ADCY3: variants seen among roughly 807,000 people sequenced by gnomAD.
ADCY3 encodes adenylate cyclase 3, also known as adenylate cyclase type 3.
A neutral mutation model predicts 119.4 loss-of-function variants in ADCY3; 70 were observed. The observed-to-expected ratio is 0.59, with a 90% confidence interval of 0.48 to 0.72. ADCY3 has a LOEUF of 0.72. Ranked by LOEUF, ADCY3 falls within the 30% of genes least tolerant of loss-of-function variation. The pLI, the probability that ADCY3 is intolerant of heterozygous loss-of-function variation, is 0.00. For missense variants in ADCY3, 1,238 were observed against 1,541.6 expected (o/e 0.80, Z 3.30); for synonymous variants, 672 against 621.4 (o/e 1.08, Z -1.21).
At position 24,841,782 on chromosome 2, in the gene ADCY3, C is replaced by T. The variant is rs573926073; in HGVS notation, c.957-115G>A. ...GCCAGGATCAGGGCAGGAGAAGGTC[C>T]TCCCTCACGACCCCCAGACAGTGAG... On this transcript the variant is annotated intron_variant, in intron 4 of 21. Coordinates refer to ENST00000679454, the MANE Select transcript of ADCY3 (RefSeq NM_004036.5). The surrounding 1 kb of genome is among the most constrained non-coding windows in gnomAD (Gnocchi z 5.8). The T allele has an allele frequency of 4.7e-4, 346 of 739,828 alleles. 4 individuals carry two copies. The South Asian group carries it at 5.7e-3, about 12-fold the overall frequency. The allele number at this position is 739,828 out of a possible 1,614,324, so 45.8% of individuals were successfully genotyped here.
chr2:24,849,318 C>T (rs79523471), intron 3 of ADCY3, among the ~76,000 whole-genome samples: 7,966 of 152,166 alleles, frequency 0.052, 645 homozygotes, highest in African/African-American at 0.18. Context: ...AGCCTCCTCC[C>T]GGTATGGCTG....
At chr2:24,879,426 C>T (rs553965098) in intron 2 of ADCY3, among the ~76,000 whole-genome samples, 51 of 138,550 alleles carry the variant, frequency 3.7e-4, no homozygotes, top group African/African-American at 1.4e-3. Flanking sequence ...GCACTGCAGC[C>T]TGGGCGACAG....
rs574077830 is a variant in ADCY3 at position 24,829,668 on chromosome 2, C to T, written c.2172+1041G>A. Among the ~76,000 whole-genome samples the T allele has an allele frequency of 4.1e-4, 61 of 150,554 alleles. 1 individual carries two copies. In the South Asian group the frequency reaches 0.012, roughly 29 times the overall value. On this transcript the variant is annotated intron_variant, in intron 13 of 21. Transcript: ENST00000679454. ...CGATCTCCTGACCTCGTGATCCGCC[C>T]GCCTTGGCCTCCCAAAGTGCTGGGA...
chr2:24,827,703 G>A (rs1224470487), intron 14 of ADCY3, 95 bp from the exon 15 acceptor site: 3 of 1,446,280 alleles, frequency 2.1e-6, no homozygotes, highest in East Asian at 2.5e-5. Context: ...TCCACTCGGG[G>A]AGAATGGGAA....
intron 3 of ADCY3, among the ~76,000 whole-genome samples, chr2:24,860,807 C>T (rs1468359666): frequency 6.6e-6 from 1 of 152,086 alleles, no homozygotes; most frequent in East Asian, 1.9e-4. Context: ...CAGGGGATGG[C>T]AAGAGAGAGA....
chr2:24,838,836 A>G (rs780448871), intron 7 of ADCY3: 1 of 1,606,408 alleles, frequency 6.2e-7, no homozygotes, highest in Non-Finnish European at 8.5e-7. Flanking sequence ...TGTGGGCCGT[A>G]TGGCACTTAC....
intron 2 of ADCY3, among the ~76,000 whole-genome samples, chr2:24,916,126 T>A (rs1573078293): frequency 6.6e-6 from 1 of 152,352 alleles, no homozygotes; most frequent in East Asian, 1.9e-4. Flanking sequence ...GATGCTAATA[T>A]TTTTATTCTT....
intron 2 of ADCY3, among the ~76,000 whole-genome samples, chr2:24,888,839 T>G (rs1163437770): frequency 1.3e-5 from 2 of 152,128 alleles, no homozygotes; most frequent in African/African-American, 2.4e-5. Context: ...TGAGACCCCG[T>G]CTCTACTGAA....
chr2:24,831,835 G>A, intron 11 of ADCY3, 86 bp from the exon 12 acceptor site: 1 of 943,982 alleles, frequency 1.1e-6, no homozygotes, highest in Non-Finnish European at 1.7e-6. Flanking sequence ...ACGGGGATGG[G>A]GGCAGGGGCC....
rs1664810678 is a variant in ADCY3 at position 24,919,080 on chromosome 2, G to A, written c.-93C>T. The A allele has an allele frequency of 1.4e-5, 18 of 1,325,836 alleles. No homozygotes were observed. The highest frequency in any genetic ancestry group is 1.8e-5 in the Non-Finnish European group (18 of 994,956). The allele number at this position is 1,325,836 out of a possible 1,614,324, so 82.1% of individuals were successfully genotyped here. On this transcript the variant is annotated 5_prime_UTR_variant, in exon 2 of 22. Coordinates refer to ENST00000679454, the MANE Select transcript of ADCY3 (RefSeq NM_004036.5). This position sits in a 1 kb window ranked among gnomAD's most constrained non-coding sequence, Gnocchi z 5.5. The stretch of plus-strand genomic sequence containing the variant: ...CCTCCTCTCAGGGCTCTCTGAGACC[G>A]GGGGAGGGCTGAGGGCCTCTTCTTG...
intron 2 of ADCY3, among the ~76,000 whole-genome samples, chr2:24,916,093 A>T (rs911413083): frequency 4.6e-5 from 7 of 152,122 alleles, no homozygotes; most frequent in Non-Finnish European, 1.0e-4. Context: ...CACTGCTTGC[A>T]TGCCAAGGTC....
chr2:24,893,843 A>C (rs1040470165), intron 2 of ADCY3, among the ~76,000 whole-genome samples: 3 of 152,136 alleles, frequency 2.0e-5, no homozygotes, highest in Admixed American at 1.3e-4. Context: ...CTTGAGCTCA[A>C]TCTGTCCTCC....
At chr2:24,876,029 G>A (rs1282263678) in intron 2 of ADCY3, among the ~76,000 whole-genome samples, 4 of 151,624 alleles carry the variant, frequency 2.6e-5, no homozygotes, top group African/African-American at 9.7e-5. Flanking sequence ...GTCTCACTCT[G>A]TTGCCCAGGC....
At position 24,834,896 on chromosome 2, in the gene ADCY3, C is replaced by T. The variant is rs1333598498; in HGVS notation, c.1703G>A (p.Arg568His). The T allele has an allele frequency of 9.3e-6, 15 of 1,613,782 alleles. No homozygotes were observed. Among genetic ancestry groups the T allele is most frequent in the East Asian group, 2.2e-5 (1 of 44,864 alleles). ...CACTCGGTCAGCCAGGTCCTGCAGG[C>T]GCAGCCTCCGGCGTGGGTTGGGGAA... ...PSFPNPRRRLRLQDLADRVVD... is the reference protein window; with the variant it reads ...PSFPNPRRRLHLQDLADRVVD... Residue 568 changes from arginine (R) to histidine (H), a missense_variant, in exon 10 of 22, where the codon CGC becomes CAC. Arg to His is a conservative substitution (Grantham distance 29). Coordinates refer to ENST00000679454, the MANE Select transcript of ADCY3 (RefSeq NM_004036.5). This position sits in a 1 kb window ranked among gnomAD's most constrained non-coding sequence, Gnocchi z 4.2.
chr2:24,874,151 C>A (rs553006671), intron 2 of ADCY3, among the ~76,000 whole-genome samples: 1 of 152,166 alleles, frequency 6.6e-6, no homozygotes, highest in African/African-American at 2.4e-5. Flanking sequence ...ACCACCACAC[C>A]CGGCAGAATG....
intron 21 of ADCY3, 147 bp from the exon 22 acceptor site, chr2:24,820,261 C>T (rs1667382577): frequency 1.7e-6 from 2 of 1,207,042 alleles, no homozygotes; most frequent in Non-Finnish European, 2.2e-6. Flanking sequence ...GGGCCAAGCC[C>T]TTCCACCCGT....
At chr2:24,895,914 T>C (rs1678215414) in intron 2 of ADCY3, among the ~76,000 whole-genome samples, 1 of 152,244 alleles carries the variant, frequency 6.6e-6, no homozygotes, top group Non-Finnish European at 1.5e-5. Context: ...TCATTTCTTC[T>C]GCACTGTCTA....
intron 3 of ADCY3, among the ~76,000 whole-genome samples, chr2:24,863,565 T>C (rs567764252): frequency 1.3e-3 from 203 of 152,350 alleles, no homozygotes; most frequent in South Asian, 2.3e-3. Context: ...CAGTCTTTTA[T>C]TTTAGAGATG....
intron 2 of ADCY3, among the ~76,000 whole-genome samples, chr2:24,881,014 C>CAA (rs35610206): frequency 3.7e-5 from 5 of 135,376 alleles, no homozygotes; most frequent in African/African-American, 1.1e-4. Flanking sequence ...GACTCCACCT[C>CAA]AAAAAAAAAA....
Sources: gnomAD v4.1 joint callset for allele counts (sites outside exome capture counted in the v4.1 genomes callset) on GRCh38, gnomAD v4.1.1 for gene constraint, Gnocchi (gnomAD v3.1) non-coding constraint, MANE v1.5 for transcripts, NCBI Gene and HGNC (gene_info 2026-07-23, HGNC 2026-07-21) for gene names.